SLC22A9: variants seen among roughly 807,000 people sequenced by gnomAD.
SLC22A9 encodes the protein solute carrier family 22 member 9.
In SLC22A9, 64 loss-of-function variants were observed where a neutral mutation model predicts 50.1. That is an observed-to-expected ratio of 1.28 (90% CI 1.04 to 1.57). The LOEUF is 1.57. SLC22A9 is among the 40% of genes most tolerant of loss of function. The pLI is 0.00. For missense variants in SLC22A9, 757 were observed against 676.1 expected, an observed-to-expected ratio of 1.12 and a Z score of -1.33; for synonymous variants, 261 against 242.5, an observed-to-expected ratio of 1.08 and a Z score of -0.71.
At position 63,410,257 on chromosome 11, in the gene SLC22A9, A is replaced by AAAAAAAAAAAGGAAAGAAAG; in HGVS notation, c.*398_*399insAAAAAAAGGAAAGAAAGAAA. The AAAAAAAAAAAGGAAAGAAAG allele has an allele frequency of 9.2e-6, 1 of 108,488 alleles. No individual in the cohort carries two copies. Among genetic ancestry groups the AAAAAAAAAAAGGAAAGAAAG allele is most frequent in the African/African-American group, 4.4e-5 (1 of 22,668 alleles). The allele number at this position is 108,488 out of a possible 1,614,324, so 6.7% of individuals were successfully genotyped here. On this transcript the variant is annotated 3_prime_UTR_variant, in exon 10 of 10. Transcript: ENST00000279178. The stretch of plus-strand genomic sequence containing the variant: ...CTGTCTCAAAAAAAAAAAAAAAAAA[A>AAAAAAAAAAAGGAAAGAAAG]AAAGAAAGAAGGAAAGAAAGAAAGA...
intron 2 of SLC22A9, 65 bp from the exon 3 acceptor site, chr11:63,373,579 C>T: frequency 7.0e-7 from 1 of 1,435,454 alleles, no homozygotes; most frequent in Non-Finnish European, 9.2e-7. Context: ...AGTGTGCCTT[C>T]TCTTTGCTAA....
chr11:63,406,431 A>G, intron 6 of SLC22A9, 66 bp from the exon 7 acceptor site: 1 of 1,425,308 alleles, frequency 7.0e-7, no homozygotes, highest in Non-Finnish European at 9.8e-7. Flanking sequence ...GGCCAATATT[A>G]TTCTCATTTG....
intron 2 of SLC22A9, among the ~76,000 whole-genome samples, chr11:63,372,343 TTAA>T (rs2014375664): frequency 6.6e-6 from 1 of 152,120 alleles, no homozygotes; most frequent in Non-Finnish European, 1.5e-5. Context: ...TATAATTTCA[TTAA>T]TAATAGGTTA....
intron 5 of SLC22A9, among the ~76,000 whole-genome samples, chr11:63,377,350 A>T (rs139823898): frequency 5.1e-4 from 77 of 152,122 alleles, no homozygotes; most frequent in African/African-American, 1.7e-3. Context: ...AAGTAAACCA[A>T]CCACACTCCT....
rs137987327 is a variant in SLC22A9 at position 63,374,099 on chromosome 11, T to C, written c.830+37T>C. The C allele has an allele frequency of 4.1e-4, 644 of 1,562,142 alleles. 1 individual carries two copies. The African/African-American group carries it at 8.1e-3, about 20-fold the overall frequency. ...TTTCTTCTTTTGTCTTAATGAGATA[T>C]TGGAATGAGAATGTATGTGGAACTA... On this transcript the variant is annotated intron_variant, in intron 4 of 9. Coordinates refer to ENST00000279178, the MANE Select transcript of SLC22A9 (RefSeq NM_080866.3).
At chr11:63,396,268 C>T (rs1591024415) in intron 6 of SLC22A9, among the ~76,000 whole-genome samples, 1 of 152,170 alleles carries the variant, frequency 6.6e-6, no homozygotes, top group Non-Finnish European at 1.5e-5. Context: ...CTGCAGATAT[C>T]CTTCTTCCTG....
chr11:63,382,840 A>T (rs528761316), intron 6 of SLC22A9, among the ~76,000 whole-genome samples: 1 of 152,326 alleles, frequency 6.6e-6, no homozygotes, highest in African/African-American at 2.4e-5. Context: ...AAAACAATAG[A>T]TGAGCACAAA....
At chr11:63,393,973 TG>T (rs2014808477) in intron 6 of SLC22A9, among the ~76,000 whole-genome samples, 1 of 152,200 alleles carries the variant, frequency 6.6e-6, no homozygotes, top group Non-Finnish European at 1.5e-5. Context: ...CCATATTTCT[TG>T]GGGATTTTGT....
chr11:63,409,855 A>G lies in SLC22A9; in HGVS notation c.1655A>G (p.Gln552Arg). ...GAGGATCCGAGAGTGGAAGTGACGC[A>G]GTTTTAAGGAATTCCAGGAGCTGAC... ...KQEDPRVEVT[Q>R]F Residue 552 changes from glutamine to arginine, a missense_variant, in exon 10 of 10, where the codon CAG (glutamine) becomes CGG (arginine). Coordinates refer to ENST00000279178, the MANE Select transcript of SLC22A9 (RefSeq NM_080866.3). 1 of 1,613,680 alleles carries G rather than the reference A, an allele frequency of 6.2e-7. No homozygotes were observed. Among genetic ancestry groups the G allele is most frequent in the East Asian group, 2.2e-5 (1 of 44,806 alleles).
At chr11:63,372,931 C>CTGAT (rs1462283501) in intron 2 of SLC22A9, among the ~76,000 whole-genome samples, 2 of 151,954 alleles carry the variant, frequency 1.3e-5, no homozygotes, top group African/African-American at 4.8e-5. Context: ...TGGAATAGTT[C>CTGAT]AAATCACTAA....
At chr11:63,398,998 A>G (rs981413351) in intron 6 of SLC22A9, among the ~76,000 whole-genome samples, 9 of 152,166 alleles carry the variant, frequency 5.9e-5, no homozygotes, top group African/African-American at 7.2e-5. Context: ...ACTTAAAAAT[A>G]ATTTATCATC....
chr11:63,378,324 A>T (rs757052355), intron 5 of SLC22A9, among the ~76,000 whole-genome samples: 2 of 152,060 alleles, frequency 1.3e-5, no homozygotes, highest in Non-Finnish European at 2.9e-5. Context: ...AAAATTCAAC[A>T]TCGTTCATAT....
At chr11:63,399,458 A>T (rs1009500155) in intron 6 of SLC22A9, among the ~76,000 whole-genome samples, 7 of 152,200 alleles carry the variant, frequency 4.6e-5, no homozygotes, top group African/African-American at 1.2e-4. Flanking sequence ...GACAAAGGAG[A>T]TCATTATATA....
At chr11:63,382,765 T>A (rs562685746) in intron 6 of SLC22A9, among the ~76,000 whole-genome samples, 1 of 152,246 alleles carries the variant, frequency 6.6e-6, no homozygotes, top group East Asian at 1.9e-4. Flanking sequence ...CACAGAAACA[T>A]TGATTTAACA....
chr11:63,385,291 C>A (rs1202598020), intron 6 of SLC22A9, among the ~76,000 whole-genome samples: 2 of 151,510 alleles, frequency 1.3e-5, no homozygotes, highest in Non-Finnish European at 2.9e-5. Context: ...TTTTTCATTC[C>A]ATATAAATTT....
At position 63,369,869 on chromosome 11, in the gene SLC22A9, C is replaced by A; in HGVS notation, c.-188C>A. On this transcript the variant is annotated 5_prime_UTR_variant, in exon 1 of 10. Transcript: ENST00000279178. ...TAGAGAAAACGGCTACCTATCTGAC[C>A]CCAAAACGACTTGAGGAAACTGTTT... 2 of 549,288 alleles carry A rather than the reference C, an allele frequency of 3.6e-6. No homozygotes were observed. The highest frequency in any genetic ancestry group is 6.2e-6 in the Non-Finnish European group (2 of 324,016). 34.0% of individuals were successfully genotyped at this position (549,288 alleles called of 1,614,324 possible). A position where few individuals can be genotyped will look rare whatever the true frequency, so the allele number is the denominator to read the frequency against.
At chr11:63,380,035 C>G (rs1321071777) in intron 5 of SLC22A9, among the ~76,000 whole-genome samples, 1 of 151,616 alleles carries the variant, frequency 6.6e-6, no homozygotes, top group Non-Finnish European at 1.5e-5. Flanking sequence ...CCCGGCCAAA[C>G]AAACACTTCT....
intron 6 of SLC22A9, among the ~76,000 whole-genome samples, chr11:63,398,653 C>G (rs925392542): frequency 5.3e-5 from 8 of 152,174 alleles, no homozygotes; most frequent in Admixed American, 2.6e-4. Context: ...TCTCTATCCC[C>G]CAAGCACACA....
intron 6 of SLC22A9, among the ~76,000 whole-genome samples, chr11:63,389,846 G>GACT (rs2014732233): frequency 6.6e-6 from 1 of 152,118 alleles, no homozygotes; most frequent in East Asian, 1.9e-4. Context: ...AGCATCTGTT[G>GACT]TTTCCAGACT....
Sources: allele counts gnomAD v4.1 joint callset (sites outside exome capture counted in the v4.1 genomes callset), GRCh38; gene constraint gnomAD v4.1.1; transcripts MANE v1.5; gene names NCBI Gene and HGNC (gene_info 2026-07-23, HGNC 2026-07-21).